Variants in SH3GL3 observed in about 807,000 individuals in gnomAD.
The protein encoded by SH3GL3 is SH3 domain containing GRB2 like 3, endophilin A3.
A neutral mutation model predicts 47.7 loss-of-function variants in SH3GL3; 33 were observed. The observed-to-expected ratio is 0.69, with a 90% confidence interval of 0.52 to 0.92. The LOEUF (loss-of-function observed/expected upper bound fraction) is 0.92. Among genes scored for constraint, SH3GL3 ranks in the 40% least tolerant of loss-of-function variants. The pLI is 0.00. For missense variants in SH3GL3, 363 were observed against 417.8 expected, an observed-to-expected ratio of 0.87 and a Z score of 1.14; for synonymous variants, 155 against 148.8, an observed-to-expected ratio of 1.04 and a Z score of -0.30.
At chr15:83,556,730 A>C (rs752972344) in intron 1 of SH3GL3, among the ~76,000 whole-genome samples, 1 of 152,172 alleles carries the variant, frequency 6.6e-6, no homozygotes, top group Non-Finnish European at 1.5e-5. Context: ...GCGACTTAAG[A>C]CAAAAAAAAA....
At chr15:83,575,764 C>T (rs539451638) in intron 5 of SH3GL3, among the ~76,000 whole-genome samples, 6 of 152,314 alleles carry the variant, frequency 3.9e-5, no homozygotes, top group African/African-American at 1.4e-4. Context: ...CCCCATGCTT[C>T]AGTGGGATGA....
the SH3GL3 span, among the ~76,000 whole-genome samples, chr15:83,633,186 G>A: frequency 2.0e-5 from 3 of 152,258 alleles, no homozygotes; most frequent in Admixed American, 2.0e-4. Flanking sequence ...AGGTTTTAAG[G>A]TGATTTGGTA....
intron 1 of SH3GL3, among the ~76,000 whole-genome samples, chr15:83,453,479 T>A (rs2039875791): frequency 7.1e-6 from 1 of 140,992 alleles, no homozygotes; most frequent in African/African-American, 2.6e-5. Flanking sequence ...TTGCCACAAT[T>A]TCAGAGCCTG....
At chr15:83,562,069 AC>A in intron 2 of SH3GL3, among the ~76,000 whole-genome samples, 1 of 120,056 alleles carries the variant, frequency 8.3e-6, no homozygotes, top group Non-Finnish European at 1.9e-5. Flanking sequence ...ACACACACAC[AC>A]ACACACACAC....
intron 1 of SH3GL3, among the ~76,000 whole-genome samples, chr15:83,456,534 T>G (rs1487875831): frequency 7.6e-5 from 6 of 79,130 alleles, no homozygotes; most frequent in East Asian, 3.5e-4. Flanking sequence ...TAAGCCGGTC[T>G]GAAAAGCGCA....
At chr15:83,484,390 A>G (rs958721859) in intron 1 of SH3GL3, among the ~76,000 whole-genome samples, 3 of 152,152 alleles carry the variant, frequency 2.0e-5, no homozygotes, top group Non-Finnish European at 4.4e-5. Flanking sequence ...CTGTCTTTAC[A>G]TTATCATTAC....
chr15:83,571,227 G>A (rs990986126), intron 4 of SH3GL3, among the ~76,000 whole-genome samples: 2 of 152,188 alleles, frequency 1.3e-5, no homozygotes, highest in African/African-American at 4.8e-5. Context: ...GGGAGGTGGC[G>A]GCCCATGTTC....
intron 2 of SH3GL3, among the ~76,000 whole-genome samples, chr15:83,562,911 T>G (rs1453524543): frequency 6.6e-6 from 1 of 152,196 alleles, no homozygotes; most frequent in Non-Finnish European, 1.5e-5. Context: ...AACTTGTTAC[T>G]AGGCCAAACG....
At chr15:83,461,378 C>A (rs2040291608) in intron 1 of SH3GL3, among the ~76,000 whole-genome samples, 1 of 152,040 alleles carries the variant, frequency 6.6e-6, no homozygotes, top group Admixed American at 6.5e-5. Context: ...TCAAACAGAG[C>A]AACAGTTAAT....
chr15:83,611,216 A>G (rs1445428587), intron 8 of SH3GL3, among the ~76,000 whole-genome samples: 1 of 151,490 alleles, frequency 6.6e-6, no homozygotes, highest in South Asian at 2.1e-4. Context: ...GTACTTACTG[A>G]CCAGCCGTCT....
chr15:83,604,048 C>A (rs141581904), intron 8 of SH3GL3, among the ~76,000 whole-genome samples: 4,387 of 152,140 alleles, frequency 0.029, 103 homozygotes, highest in Non-Finnish European at 0.042. Context: ...GCAGGAGAAT[C>A]CCTTGAAACC....
rs755451567 is a variant in SH3GL3, at chr15:83,568,712, C to T, written c.331+40C>T. The T allele has an allele frequency of 1.9e-6, 3 of 1,545,862 alleles. No homozygotes were observed. The Admixed American group carries it at 5.1e-5, about 26-fold the overall frequency. On this transcript the variant is annotated intron_variant, in intron 4 of 8. Transcript: ENST00000427482. ...GATCAGCTGGGGGAGCTGAGAACTC[C>T]TCCAGTATGGTTTTAGGTTATACAC...
chr15:83,457,269 A>G (rs906898435), intron 1 of SH3GL3, among the ~76,000 whole-genome samples: 1 of 152,258 alleles, frequency 6.6e-6, no homozygotes, highest in South Asian at 2.1e-4. Context: ...TTCTCTCCCA[A>G]GACTAACCAT....
chr15:83,568,198 G>A (rs1439473523), intron 3 of SH3GL3, among the ~76,000 whole-genome samples: 2 of 152,008 alleles, frequency 1.3e-5, no homozygotes, highest in East Asian at 1.9e-4. Flanking sequence ...TGGTCAGGCT[G>A]GTCTTGAACT....
At chr15:83,501,981 T>C (rs2042316527) in intron 1 of SH3GL3, among the ~76,000 whole-genome samples, 1 of 152,032 alleles carries the variant, frequency 6.6e-6, no homozygotes, top group South Asian at 2.1e-4. Flanking sequence ...ATTAGAAAAA[T>C]AGGTGTTTTA....
chr15:83,591,947 A>G (rs1289765700), intron 8 of SH3GL3, among the ~76,000 whole-genome samples: 2 of 152,198 alleles, frequency 1.3e-5, no homozygotes, highest in Non-Finnish European at 2.9e-5. Flanking sequence ...TGCTGGGATT[A>G]CAGCTGTGAG....
intron 8 of SH3GL3, among the ~76,000 whole-genome samples, chr15:83,604,151 G>GA (rs947667431): frequency 3.1e-4 from 43 of 140,790 alleles, no homozygotes; most frequent in Non-Finnish European, 3.8e-4. Context: ...TGTCTAAAAA[G>GA]AAAAAAAAAA....
chr15:83,558,823 G>A (rs1482027655), intron 1 of SH3GL3, among the ~76,000 whole-genome samples: 1 of 152,176 alleles, frequency 6.6e-6, no homozygotes, highest in Admixed American at 6.5e-5. Context: ...GGCTCTCAAA[G>A]TCCATTCTGT....
At chr15:83,489,854 G>C (rs112799539) in intron 1 of SH3GL3, among the ~76,000 whole-genome samples, 33 of 105,822 alleles carry the variant, frequency 3.1e-4, no homozygotes, top group African/African-American at 1.1e-3. Flanking sequence ...TAGATAGATA[G>C]ATAGATAGAT....
Sources: gnomAD v4.1 joint callset for allele counts (sites outside exome capture counted in the v4.1 genomes callset) on GRCh38, gnomAD v4.1.1 for gene constraint, MANE v1.5 for transcripts, NCBI Gene and HGNC (gene_info 2026-07-23, HGNC 2026-07-21) for gene names.